Variants in PCLO observed in about 807,000 individuals in gnomAD.
PCLO encodes the protein protein piccolo.
PCLO carries 82 observed loss-of-function variants against 427.5 expected under a neutral mutation model. The observed-to-expected ratio is 0.19, with a 90% CI of 0.16 to 0.23. PCLO has a LOEUF of 0.23. Among genes scored for constraint, PCLO ranks in the 10% least tolerant of loss-of-function variants. PCLO has a pLI of 1.00. For missense variants in PCLO, 6,239 were observed against 6,115.9 expected, an observed-to-expected ratio of 1.02 and a Z score of -0.67; for synonymous variants, 2,357 against 2,155.4, an observed-to-expected ratio of 1.09 and a Z score of -2.59.
intron 22 of PCLO, among the ~76,000 whole-genome samples, chr7:82,782,879 A>G (rs1340330855): frequency 6.6e-6 from 1 of 152,184 alleles, no homozygotes; most frequent in Non-Finnish European, 1.5e-5. Context: ...CACTATCTCA[A>G]GAACATCTAC....
intron 4 of PCLO, 55 bp downstream of exon 4, chr7:82,965,715 TA>T: frequency 1.6e-6 from 2 of 1,240,474 alleles, no homozygotes; most frequent in Non-Finnish European, 2.3e-6. Context: ...ATACTTAGGT[TA>T]AAAATTAGTA....
chr7:82,795,738 G>C (rs747203018), intron 22 of PCLO, among the ~76,000 whole-genome samples: 15 of 152,044 alleles, frequency 9.9e-5, no homozygotes, highest in Non-Finnish European at 2.1e-4. Context: ...CTACTGTCTT[G>C]TGACAAATGA....
intron 3 of PCLO, among the ~76,000 whole-genome samples, chr7:83,067,810 CTTAGA>C (rs1401014975): frequency 6.6e-6 from 1 of 152,150 alleles, no homozygotes; most frequent in Admixed American, 6.5e-5. Flanking sequence ...GTGTATCACA[CTTAGA>C]TTAAAGATTG....
intron 9 of PCLO, among the ~76,000 whole-genome samples, chr7:82,896,415 T>C (rs958249910): frequency 1.3e-5 from 2 of 151,726 alleles, no homozygotes; most frequent in African/African-American, 4.8e-5. Flanking sequence ...TATTGAATGA[T>C]CCAATTTATA....
intron 20 of PCLO, chr7:82,820,819 T>C: frequency 8.1e-7 from 1 of 1,230,838 alleles, no homozygotes; most frequent in Non-Finnish European, 1.0e-6. Context: ...TTGAACAGAT[T>C]AGGTTAGTAG....
chr7:82,956,037 T>C lies in PCLO; in HGVS notation c.4916A>G (p.Glu1639Gly). 6.2e-7 allele frequency: 1 copy of C among 1,613,140 alleles called. No individual in the cohort carries two copies. The highest frequency in any genetic ancestry group is 8.5e-7 in the Non-Finnish European group (1 of 1,179,868). The change falls in exon 5 of 25, where the codon GAA becomes GGA. Residue 1639 changes from glutamate to glycine, a missense_variant. Physicochemically the swap from Glu to Gly is moderately conservative, Grantham distance 98. Around this residue, in one of 5 missense-constraint regions of PCLO, gnomAD observed 4,677 missense variants for 4,468.4 expected, o/e 1.05. Transcript: ENST00000333891. ...WHDEDDEAFDESPELKYRETK... is the reference protein window; with the variant it reads ...WHDEDDEAFDGSPELKYRETK... ...TTCTCTGTATTTAAGTTCAGGACTT[T>C]CATCAAATGCTTCATCGTCTTCATC...
At chr7:83,111,170 T>G (rs1385454619) in intron 3 of PCLO, among the ~76,000 whole-genome samples, 2 of 152,194 alleles carry the variant, frequency 1.3e-5, no homozygotes, top group African/African-American at 2.4e-5. Context: ...ATAGACATTC[T>G]CTCCTTCACA....
chr7:82,758,694 C>T lies in PCLO; in HGVS notation c.15310G>A (p.Gly5104Arg). The change falls in exon 25 of 25, where the codon GGG (glycine) becomes AGG (arginine). Residue 5104 changes from glycine to arginine, a missense_variant. By Grantham distance (125) the Gly-to-Arg change is moderately radical (BLOSUM62 -2). Around this residue, in one of 5 missense-constraint regions of PCLO, gnomAD observed 877 missense variants for 925.5 expected, o/e 0.95. Coordinates refer to ENST00000333891, the MANE Select transcript of PCLO (RefSeq NM_033026.6). ...ATCAAGGTCTTTTTCATAAACTTCCCTCCATTGGAGAAAAGTAAAATCTAG... is the reference window on the plus strand; with the variant it reads ...ATCAAGGTCTTTTTCATAAACTTCCTTCCATTGGAGAAAAGTAAAATCTAG... ...SLQILLFSNG[G>R]KFMKKTLIGE... 1 of 1,602,578 alleles carries T rather than the reference C, an allele frequency of 6.2e-7. No homozygotes were observed. The highest frequency in any genetic ancestry group is 8.5e-7 in the Non-Finnish European group (1 of 1,171,492).
chr7:83,156,474 T>A (rs569827828), intron 1 of PCLO, 82 bp from the exon 2 acceptor site: 1 of 833,548 alleles, frequency 1.2e-6, no homozygotes, highest in Non-Finnish European at 1.8e-6. Context: ...AAAAACCTAT[T>A]GCTTATATCT....
At chr7:82,859,599 T>C (rs997631348) in intron 10 of PCLO, among the ~76,000 whole-genome samples, 5 of 152,132 alleles carry the variant, frequency 3.3e-5, no homozygotes, top group Admixed American at 6.5e-5. Context: ...CACCAAGTCA[T>C]TTGAAATATC....
In PCLO at chr7:82,952,916, A is replaced by T. The variant is rs775904343; in HGVS notation, c.8037T>A (p.Val2679=). Reference sequence around the variant, plus strand: ...TAGGAGCTGTACTTCTGGTTGCTGAAACCTCAGTCTTGGAAACTTCAGTAG... The same window carrying T: ...TAGGAGCTGTACTTCTGGTTGCTGATACCTCAGTCTTGGAAACTTCAGTAG... ...FLTTEVSKTE[V]SATRSTAPSV... Residue 2679 remains valine, a synonymous_variant, in exon 5 of 25, where the codon GTT becomes GTA. Coordinates refer to ENST00000333891, the MANE Select transcript of PCLO (RefSeq NM_033026.6). 30 of 1,613,780 alleles carry T rather than the reference A, an allele frequency of 1.9e-5. No homozygotes were observed. In the South Asian group the frequency reaches 3.3e-4, roughly 18 times the overall value.
chr7:82,946,502 T>C (rs1795207203), intron 6 of PCLO, among the ~76,000 whole-genome samples: 2 of 152,198 alleles, frequency 1.3e-5, no homozygotes, highest in African/African-American at 4.8e-5. Flanking sequence ...CAGACTTCTT[T>C]AGAGAACAAA....
At position 82,950,631 on chromosome 7, in the gene PCLO, G is replaced by C; in HGVS notation, c.9957C>G (p.Asn3319Lys). 6.2e-7 allele frequency: 1 copy of C among 1,613,848 alleles called. No homozygotes were observed. The highest frequency in any genetic ancestry group is 8.5e-7 in the Non-Finnish European group (1 of 1,179,830). ...EQKIRQIYQYNYDPSGTASPQ... is the reference protein window; with the variant it reads ...EQKIRQIYQYKYDPSGTASPQ... ...GAGAAGCAGTTCCAGAAGGGTCATA[G>C]TTATACTGGTAGATCTGCCGAATCT... Residue 3319 changes from asparagine to lysine, a missense_variant, in exon 6 of 25, where the codon AAC becomes AAG. By Grantham distance (94) the Asn-to-Lys change is moderately conservative (BLOSUM62 0). Coordinates refer to ENST00000333891, the MANE Select transcript of PCLO (RefSeq NM_033026.6).
At chr7:83,152,030 T>C (rs1453917803) in intron 2 of PCLO, among the ~76,000 whole-genome samples, 1 of 151,978 alleles carries the variant, frequency 6.6e-6, no homozygotes, top group East Asian at 1.9e-4. Context: ...AGTGGCGTGA[T>C]CTTGGCTCAC....
At chr7:82,888,664 A>G (rs1169824520) in intron 9 of PCLO, among the ~76,000 whole-genome samples, 1 of 152,176 alleles carries the variant, frequency 6.6e-6, no homozygotes, top group Non-Finnish European at 1.5e-5. Flanking sequence ...CAAGATGCCA[A>G]TCTTCCCTAT....
At chr7:83,060,134 A>G (rs1284233567) in intron 3 of PCLO, among the ~76,000 whole-genome samples, 1 of 152,198 alleles carries the variant, frequency 6.6e-6, no homozygotes, top group Non-Finnish European at 1.5e-5. Context: ...ACAGCAGGTA[A>G]CAAATGTCCC....
intron 6 of PCLO, among the ~76,000 whole-genome samples, chr7:82,917,411 G>C (rs984004091): frequency 2.0e-5 from 3 of 151,818 alleles, no homozygotes; most frequent in Non-Finnish European, 2.9e-5. Flanking sequence ...TTATCCTGCA[G>C]TATAGTTTCT....
chr7:82,949,771 G>A lies in PCLO; in HGVS notation c.10817C>T (p.Ala3606Val). 6.2e-7 allele frequency: 1 copy of A among 1,613,812 alleles called. No homozygotes were observed. The highest frequency in any genetic ancestry group is 8.5e-7 in the Non-Finnish European group (1 of 1,179,844). ...LEIGYSSHLRADSTVQLAPSP... is the reference protein window; with the variant it reads ...LEIGYSSHLRVDSTVQLAPSP... ...AGGAGCCAGCTGTACTGTGGAATCT[G>A]CCCGGAGGTGAGATGAATAACCAAT... Residue 3606 changes from alanine (A) to valine (V), a missense_variant, in exon 6 of 25, where the codon GCA (alanine) becomes GTA (valine). By Grantham distance (64) the Ala-to-Val change is moderately conservative (BLOSUM62 0). Around this residue, in one of 5 missense-constraint regions of PCLO, gnomAD observed 4,677 missense variants for 4,468.4 expected, o/e 1.05. Coordinates refer to ENST00000333891, the MANE Select transcript of PCLO (RefSeq NM_033026.6).
chr7:82,923,574 G>A (rs1371470268), intron 6 of PCLO, among the ~76,000 whole-genome samples: 2 of 152,100 alleles, frequency 1.3e-5, no homozygotes, highest in African/African-American at 4.8e-5. Context: ...AATGCAGTAT[G>A]TTAGGTAGCA....
Sources: gnomAD v4.1 joint callset for allele counts (sites outside exome capture counted in the v4.1 genomes callset) on GRCh38, gnomAD v4.1.1 for gene constraint, gnomAD v4.1.1 regional missense constraint, MANE v1.5 for transcripts, NCBI Gene and HGNC (gene_info 2026-07-23, HGNC 2026-07-21) for gene names.